The following RNF13 variants were observed in gnomAD, a reference collection of about 807,000 sequenced individuals.
RNF13 encodes the protein E3 ubiquitin-protein ligase RNF13.
In RNF13, 19 loss-of-function variants were observed where a neutral mutation model predicts 37.7. That is an observed-to-expected ratio of 0.50 (90% CI 0.35 to 0.74). RNF13 has a LOEUF of 0.74. RNF13 is among the 30% of genes least tolerant of loss of function. The pLI, the probability that RNF13 is intolerant of heterozygous loss-of-function variation, is 0.01. For missense variants in RNF13, 375 were observed against 453.0 expected (o/e 0.83, Z 1.56); for synonymous variants, 144 against 157.8 (o/e 0.91, Z 0.65).
intron 1 of RNF13, among the ~76,000 whole-genome samples, chr3:149,830,207 T>C (rs1191258811): frequency 1.9e-5 from 1 of 51,436 alleles, no homozygotes; most frequent in Non-Finnish European, 3.8e-5. Flanking sequence ...GAAGTGACTT[T>C]GGAACTGGAT....
chr3:149,960,455 G>A (rs919610926), intron 9 of RNF13, among the ~76,000 whole-genome samples: 21 of 152,032 alleles, frequency 1.4e-4, no homozygotes, highest in Non-Finnish European at 1.0e-4. Context: ...GCTGGGTGTG[G>A]TGGCGGGCGC....
intron 8 of RNF13, among the ~76,000 whole-genome samples, chr3:149,935,782 C>A (rs2108567314): frequency 6.6e-6 from 1 of 152,288 alleles, no homozygotes; most frequent in Non-Finnish European, 1.5e-5. Flanking sequence ...AGTCTTCATA[C>A]TAGAGATACC....
chr3:149,926,033 G>C (rs145814746), intron 8 of RNF13, among the ~76,000 whole-genome samples: 1 of 152,102 alleles, frequency 6.6e-6, no homozygotes, highest in African/African-American at 2.4e-5. Context: ...ATATATGCCC[G>C]TGTGTCTGTT....
chr3:149,891,005 A>G (rs566210271), intron 4 of RNF13, among the ~76,000 whole-genome samples: 1 of 152,188 alleles, frequency 6.6e-6, no homozygotes, highest in South Asian at 2.1e-4. Context: ...GATTAATGTT[A>G]TCTGCATCTT....
chr3:149,860,265 AAAAAAATAT>A (rs1246118588), intron 3 of RNF13, among the ~76,000 whole-genome samples: 2 of 96,640 alleles, frequency 2.1e-5, no homozygotes, highest in Non-Finnish European at 4.2e-5. Context: ...CTAAAAAAAA[AAAAAAATAT>A]ATATATATAT....
intron 3 of RNF13, among the ~76,000 whole-genome samples, chr3:149,860,270 A>AAATAT (rs1302318768): frequency 5.9e-4 from 61 of 104,086 alleles, no homozygotes; most frequent in African/African-American, 1.9e-3. Context: ...AAAAAAAAAA[A>AAATAT]ATATATATAT....
chr3:149,834,949 T>G (rs938623576), intron 1 of RNF13, among the ~76,000 whole-genome samples: 1 of 152,250 alleles, frequency 6.6e-6, no homozygotes, highest in Non-Finnish European at 1.5e-5. Flanking sequence ...AATGGTGTGT[T>G]GGGAAAACTG....
At chr3:149,913,869 A>G (rs112454968) in intron 7 of RNF13, among the ~76,000 whole-genome samples, 16 of 152,268 alleles carry the variant, frequency 1.1e-4, no homozygotes, top group African/African-American at 3.9e-4. Context: ...TTCTCCACTT[A>G]TAAAGTTAAT....
intron 8 of RNF13, among the ~76,000 whole-genome samples, chr3:149,935,230 T>C (rs778459035): frequency 6.6e-6 from 1 of 152,208 alleles, no homozygotes; most frequent in Non-Finnish European, 1.5e-5. Flanking sequence ...GCATGGAATA[T>C]CTTTTTCCAC....
intron 4 of RNF13, among the ~76,000 whole-genome samples, chr3:149,891,180 A>C (rs555289781): frequency 6.6e-6 from 1 of 152,324 alleles, no homozygotes; most frequent in South Asian, 2.1e-4. Context: ...ACCTTAGGGT[A>C]GTTACACTTA....
At chr3:149,818,123 A>G (rs894390385) in intron 1 of RNF13, among the ~76,000 whole-genome samples, 7 of 152,230 alleles carry the variant, frequency 4.6e-5, no homozygotes, top group African/African-American at 1.7e-4. Flanking sequence ...TTGTCATACC[A>G]TTTTTGGAAA....
intron 1 of RNF13, among the ~76,000 whole-genome samples, chr3:149,844,857 A>G (rs35051128): frequency 2.0e-5 from 3 of 152,260 alleles, no homozygotes; most frequent in East Asian, 3.9e-4. Context: ...GAGTTGTGCA[A>G]CCATCACCAG....
At chr3:149,834,937 C>T (rs1721440686) in intron 1 of RNF13, among the ~76,000 whole-genome samples, 1 of 152,200 alleles carries the variant, frequency 6.6e-6, no homozygotes, top group South Asian at 2.1e-4. Flanking sequence ...GTCTCTTCTA[C>T]AAATGGTGTG....
In RNF13 at chr3:149,844,738, A is replaced by G. The variant is rs1257280980; in HGVS notation, c.-16-1273A>G. 2.0e-5 allele frequency among the ~76,000 whole-genome samples: 3 copies of G among 152,316 alleles called. No homozygotes were observed. In the East Asian group the frequency reaches 5.8e-4, roughly 29 times the overall value. ...GAAATGTATTTTACTTAAGAAACGA[A>G]TGTCAACAAATCTAGACATTTAAAA... On this transcript the variant is annotated intron_variant, in intron 1 of 9. Transcript: ENST00000392894.
intron 1 of RNF13, among the ~76,000 whole-genome samples, chr3:149,838,679 T>C (rs1721890936): frequency 6.6e-6 from 1 of 152,232 alleles, no homozygotes; most frequent in Non-Finnish European, 1.5e-5. Context: ...CAAGCCATTT[T>C]TTCCTCCTAG....
chr3:149,836,438 A>T (rs1175503620), intron 1 of RNF13, among the ~76,000 whole-genome samples: 2 of 152,138 alleles, frequency 1.3e-5, no homozygotes, highest in Non-Finnish European at 2.9e-5. Context: ...ATATGTATAT[A>T]TATATATTGT....
At chr3:149,859,858 A>C (rs1436768261) in intron 3 of RNF13, among the ~76,000 whole-genome samples, 2 of 151,828 alleles carry the variant, frequency 1.3e-5, no homozygotes, top group African/African-American at 4.8e-5. Flanking sequence ...TTTTTCACAG[A>C]AATAGAAAAA....
At chr3:149,861,182 A>T (rs1228098918) in intron 3 of RNF13, among the ~76,000 whole-genome samples, 2 of 152,020 alleles carry the variant, frequency 1.3e-5, no homozygotes, top group Non-Finnish European at 2.9e-5. Flanking sequence ...TAGTACAACT[A>T]CTGTGGAAAA....
intron 1 of RNF13, among the ~76,000 whole-genome samples, chr3:149,829,901 G>A (rs560476429): frequency 5.3e-5 from 8 of 152,116 alleles, no homozygotes; most frequent in African/African-American, 9.7e-5. Context: ...TGCTGTTCTC[G>A]TGATAGTGAG....
Sources: allele counts gnomAD v4.1 joint callset (sites outside exome capture counted in the v4.1 genomes callset), GRCh38; gene constraint gnomAD v4.1.1; transcripts MANE v1.5; gene names NCBI Gene and HGNC (gene_info 2026-07-23, HGNC 2026-07-21).